The following DIP2B variants were observed in gnomAD, a reference collection of about 807,000 sequenced individuals.
DIP2B encodes disco-interacting protein 2 homolog B.
DIP2B carries 76 observed loss-of-function variants against 198.0 expected under a neutral mutation model. The ratio of observed to expected loss-of-function variants is 0.38; its 90% CI spans 0.32 to 0.46. The LOEUF (loss-of-function observed/expected upper bound fraction) is 0.46. Among genes scored for constraint, DIP2B ranks in the 20% least tolerant of loss-of-function variants. The probability of loss-of-function intolerance (pLI) is 0.99; values close to 1 mark genes in which losing one functional copy is unlikely to be tolerated. For synonymous variants in DIP2B, 701 were observed against 739.1 expected, an observed-to-expected ratio of 0.95 and a Z score of 0.84; for missense variants, 1,559 against 1,978.4, an observed-to-expected ratio of 0.79 and a Z score of 4.02.
intron 3 of DIP2B, chr12:50,655,137 A>G: frequency 2.6e-6 from 1 of 377,650 alleles, no homozygotes; most frequent in Non-Finnish European, 5.3e-6. Flanking sequence ...GCCCAGACAT[A>G]GGATAATAGT....
chr12:50,586,066 T>C (rs1191338313), intron 1 of DIP2B, among the ~76,000 whole-genome samples: 1 of 152,170 alleles, frequency 6.6e-6, no homozygotes, highest in African/African-American at 2.4e-5. Context: ...ATGTGGCCCA[T>C]TTACTTTGTC....
chr12:50,612,103 T>G (rs886681456), intron 1 of DIP2B, among the ~76,000 whole-genome samples: 4 of 151,934 alleles, frequency 2.6e-5, no homozygotes, highest in African/African-American at 7.3e-5. Context: ...GTACCCCATC[T>G]CTACAAAAAA....
At chr12:50,740,874 C>T (rs1284557395) in intron 36 of DIP2B, among the ~76,000 whole-genome samples, 2 of 152,180 alleles carry the variant, frequency 1.3e-5, no homozygotes, top group African/African-American at 4.8e-5. Flanking sequence ...TCCCCTCTGG[C>T]TCAGTCCTGT....
intron 4 of DIP2B, among the ~76,000 whole-genome samples, chr12:50,665,793 T>A (rs1404954270): frequency 6.7e-6 from 1 of 150,134 alleles, no homozygotes; most frequent in Non-Finnish European, 1.5e-5. Context: ...AAAAAAAAAA[T>A]TCCTCTTTCC....
chr12:50,724,751 T>A (rs766040281), intron 27 of DIP2B, 24 bp from the exon 28 acceptor site: 28 of 1,608,176 alleles, frequency 1.7e-5, no homozygotes, highest in Non-Finnish European at 2.1e-5. Context: ...TCCTGATGCT[T>A]ATTGCTGTCC....
At position 50,525,706 on chromosome 12, in the gene DIP2B, T is replaced by A. The variant is rs1387415732; in HGVS notation, c.100+20466T>A. Among the ~76,000 whole-genome samples the A allele has an allele frequency of 3.3e-5, 5 of 152,062 alleles. No homozygotes were observed. The South Asian group carries it at 1.0e-3, about 32-fold the overall frequency. On this transcript the variant is annotated intron_variant, in intron 1 of 37. Coordinates refer to ENST00000301180, the MANE Select transcript of DIP2B (RefSeq NM_173602.3). ...TTTTTTATATTTTGTAGCTACAGGATCTCACTCTGTTGCCCAGACTTGTCT... is the reference window on the plus strand; with the variant it reads ...TTTTTTATATTTTGTAGCTACAGGAACTCACTCTGTTGCCCAGACTTGTCT...
At chr12:50,640,378 T>G (rs1166363734) in intron 2 of DIP2B, among the ~76,000 whole-genome samples, 1 of 152,038 alleles carries the variant, frequency 6.6e-6, no homozygotes, top group African/African-American at 2.4e-5. Flanking sequence ...TAGCTAAGGC[T>G]CCCCAAGCTA....
chr12:50,713,539 G>A (rs1013924988), intron 22 of DIP2B, among the ~76,000 whole-genome samples: 1 of 152,204 alleles, frequency 6.6e-6, no homozygotes, highest in Admixed American at 6.5e-5. Flanking sequence ...GCGAGCACAG[G>A]TACGCTCAGG....
chr12:50,687,109 G>A (rs926028530), intron 12 of DIP2B, among the ~76,000 whole-genome samples: 1 of 152,158 alleles, frequency 6.6e-6, no homozygotes, highest in South Asian at 2.1e-4. Context: ...TGGCTGGAAG[G>A]TTTGATATTG....
chr12:50,610,287 T>C (rs556172094), intron 1 of DIP2B, among the ~76,000 whole-genome samples: 73 of 152,298 alleles, frequency 4.8e-4, no homozygotes, highest in African/African-American at 1.7e-3. Flanking sequence ...GTAGAGTTTT[T>C]TTGTTACTAG....
At chr12:50,620,326 A>G (rs1261823234) in intron 1 of DIP2B, among the ~76,000 whole-genome samples, 1 of 152,202 alleles carries the variant, frequency 6.6e-6, no homozygotes. Context: ...ACTTGTGCCA[A>G]GCTGTTTTCA....
At chr12:50,729,778 G>A (rs1940005020) in intron 30 of DIP2B, among the ~76,000 whole-genome samples, 1 of 149,782 alleles carries the variant, frequency 6.7e-6, no homozygotes, top group East Asian at 1.9e-4. Flanking sequence ...TGCCCAGGCT[G>A]GAGTGCAGTG....
chr12:50,604,199 C>G (rs1050543028), intron 1 of DIP2B, among the ~76,000 whole-genome samples: 1 of 136,834 alleles, frequency 7.3e-6, no homozygotes, highest in Non-Finnish European at 1.5e-5. Flanking sequence ...CTTTAAATAG[C>G]AAACTCTTTA....
At chr12:50,655,132 G>A (rs1342284253) in intron 3 of DIP2B, 1 of 383,028 alleles carries the variant, frequency 2.6e-6, no homozygotes, top group African/African-American at 2.1e-5. Context: ...TACATGCCCA[G>A]ACATAGGATA....
chr12:50,578,155 C>T (rs1297404326), intron 1 of DIP2B, among the ~76,000 whole-genome samples: 3 of 151,506 alleles, frequency 2.0e-5, no homozygotes, highest in African/African-American at 7.3e-5. Flanking sequence ...GGGACACAGA[C>T]GTGCACCACA....
chr12:50,559,313 CTT>C lies in DIP2B; in HGVS notation c.100+54090_100+54091del, dbSNP rs11301460. 2.4e-3 allele frequency among the ~76,000 whole-genome samples: 298 copies of C among 122,986 alleles called. 2 individuals carry two copies. Among genetic ancestry groups the C allele is most frequent in the Middle Eastern group, 8.1e-3 (2 of 248 alleles). 80.7% of individuals were successfully genotyped at this position (122,986 alleles called of 152,430 possible). ...AGAGGAAGATGGTGTAATTATTTGT[CTT>C]TTTTTTTTTTTTTTTTGCTGGGCTG... On this transcript the variant is annotated intron_variant, in intron 1 of 37. Transcript: ENST00000301180.
intron 1 of DIP2B, among the ~76,000 whole-genome samples, chr12:50,559,552 G>A (rs1396098250): frequency 1.3e-5 from 2 of 151,958 alleles, no homozygotes; most frequent in East Asian, 1.9e-4. Flanking sequence ...ACCAGCTGGG[G>A]CAACATAGCA....
chr12:50,671,082 A>G, intron 4 of DIP2B, 104 bp from the exon 5 acceptor site: 1 of 1,082,776 alleles, frequency 9.2e-7, no homozygotes, highest in Non-Finnish European at 1.3e-6. Flanking sequence ...AAGAATGCGA[A>G]TGTTTTGCTG....
In DIP2B at chr12:50,505,158, G is replaced by A. The variant is rs1354043736; in HGVS notation, c.18G>A (p.Leu6=). 2 of 1,528,566 alleles carry A rather than the reference G, an allele frequency of 1.3e-6. No homozygotes were observed. The highest frequency in any genetic ancestry group is 1.7e-6 in the Non-Finnish European group (2 of 1,143,066). 94.7% of individuals were successfully genotyped at this position (1,528,566 alleles called of 1,614,324 possible). The stretch of plus-strand genomic sequence containing the variant: ...GAGCTGGGATGGCGGAACGAGGCCT[G>A]GAGCCGTCGCCGGCCGCGGTGGCGG... MAERG[L]EPSPAAVAAL... The change falls in exon 1 of 38, where the codon CTG becomes CTA. Residue 6 remains leucine, a synonymous_variant. Coordinates refer to ENST00000301180, the MANE Select transcript of DIP2B (RefSeq NM_173602.3).
Sources: gnomAD v4.1 joint callset for allele counts (sites outside exome capture counted in the v4.1 genomes callset) on GRCh38, gnomAD v4.1.1 for gene constraint, MANE v1.5 for transcripts, NCBI Gene and HGNC (gene_info 2026-07-23, HGNC 2026-07-21) for gene names.